Variants in PTBP3 observed in about 807,000 individuals in gnomAD.
PTBP3 encodes the protein polypyrimidine tract binding protein 3.
In PTBP3, 20 loss-of-function variants were observed where a neutral mutation model predicts 58.7. The ratio of observed to expected loss-of-function variants is 0.34; its 90% CI spans 0.24 to 0.50. The LOEUF (loss-of-function observed/expected upper bound fraction) is 0.50. Ranked by LOEUF, PTBP3 falls within the 20% of genes least tolerant of loss-of-function variation. The pLI is 0.98. For synonymous variants in PTBP3, 185 were observed against 219.8 expected (o/e 0.84, Z 1.40); for missense variants, 509 against 637.2 (o/e 0.80, Z 2.17).
chr9:112,332,680 TATAC>T (rs1248732500), intron 1 of PTBP3: 15 of 1,414,280 alleles, frequency 1.1e-5, no homozygotes, highest in Non-Finnish European at 1.2e-5. Flanking sequence ...GAACAGTTTA[TATAC>T]ATAGACTCTA....
chr9:112,281,830 A>T (rs1033980432), intron 2 of PTBP3, among the ~76,000 whole-genome samples: 1 of 152,256 alleles, frequency 6.6e-6, no homozygotes, highest in Non-Finnish European at 1.5e-5. Context: ...TTAAAATTTC[A>T]TAATATTCAC....
intron 7 of PTBP3, among the ~76,000 whole-genome samples, chr9:112,244,827 T>C (rs1034959859): frequency 2.0e-5 from 3 of 151,958 alleles, no homozygotes; most frequent in South Asian, 2.1e-4. Context: ...CTACTGCTGC[T>C]GCTTTTTTTT....
At chr9:112,335,937 A>G (rs10481669), upstream of PTBP3, among the ~76,000 whole-genome samples, 125,529 of 149,350 alleles carry the variant, frequency 0.84, 53,045 homozygotes, top group African/African-American at 0.93. Context: ...GCAGTGGCAC[A>G]ATCTCGGCTC....
intron 1 of PTBP3, among the ~76,000 whole-genome samples, chr9:112,327,337 G>A (rs368323544): frequency 1.3e-5 from 2 of 152,252 alleles, no homozygotes; most frequent in East Asian, 3.9e-4. Flanking sequence ...AGGCCGGGCA[G>A]ATCACGAGGT....
At chr9:112,270,869 G>C (rs1827356505) in intron 3 of PTBP3, among the ~76,000 whole-genome samples, 1 of 152,176 alleles carries the variant, frequency 6.6e-6, no homozygotes, top group Admixed American at 6.5e-5. Flanking sequence ...CCAGGCTGGA[G>C]AGCAGTAGCG....
In PTBP3 at chr9:112,268,106, A is replaced by C; in HGVS notation, c.294T>G (p.Val98=). 6.2e-7 allele frequency: 1 copy of C among 1,613,882 alleles called. No homozygotes were observed. Among genetic ancestry groups the C allele is most frequent in the Non-Finnish European group, 8.5e-7 (1 of 1,179,816 alleles). Residue 98 remains valine (V), a synonymous_variant, in exon 4 of 14, where the codon GTT becomes GTG. Transcript: ENST00000374257. ...PITPHLRSQP[V]YIQYSNHREL... is the part of the protein sequence containing the mutation. The stretch of plus-strand genomic sequence containing the variant: ...CTCTGTGATTGGAATACTGAATATA[A>C]ACAGGCTGGCTTCGAAGGTGAGGAG...
intron 2 of PTBP3, among the ~76,000 whole-genome samples, chr9:112,293,791 A>C (rs1183891197): frequency 6.6e-6 from 1 of 152,206 alleles, no homozygotes; most frequent in Non-Finnish European, 1.5e-5. Flanking sequence ...TGATGGAAAG[A>C]GAGTACTATT....
chr9:112,275,989 A>C lies in PTBP3; in HGVS notation c.59T>G (p.Phe20Cys). ...CGAACAGGGAGGTCTATCTCGTTTAAATTTCTTGCTGTCATTCCCATTAGC... is the reference window on the plus strand; with the variant it reads ...CGAACAGGGAGGTCTATCTCGTTTACATTTCTTGCTGTCATTCCCATTAGC... The part of the protein sequence containing the change: ...VYANGNDSKK[F>C]KRDRPPCSPS... The change falls in exon 3 of 14, where the codon TTT (phenylalanine) becomes TGT (cysteine). Residue 20 changes from phenylalanine to cysteine, a missense_variant. Phe to Cys is a radical substitution (Grantham distance 205). Coordinates refer to ENST00000374257, the MANE Select transcript of PTBP3 (RefSeq NM_001163788.4). 2.5e-6 allele frequency: 4 copies of C among 1,612,478 alleles called. No homozygotes were observed. The highest frequency in any genetic ancestry group is 3.4e-6 in the Non-Finnish European group (4 of 1,179,310).
At chr9:112,239,827 G>T (rs10981325) in intron 7 of PTBP3, among the ~76,000 whole-genome samples, 1 of 91,154 alleles carries the variant, frequency 1.1e-5, no homozygotes, top group Admixed American at 1.3e-4. Context: ...GGGAGGAAGG[G>T]AGGAAGGGAG....
intron 5 of PTBP3, among the ~76,000 whole-genome samples, chr9:112,253,238 A>T (rs1358925547): frequency 6.6e-6 from 1 of 152,234 alleles, no homozygotes; most frequent in Non-Finnish European, 1.5e-5. Context: ...AAACAGAGAC[A>T]AAAGTCTATG....
chr9:112,321,498 C>A (rs1829946853), intron 1 of PTBP3, among the ~76,000 whole-genome samples: 1 of 145,336 alleles, frequency 6.9e-6, no homozygotes, highest in Admixed American at 7.0e-5. Flanking sequence ...CACTGCACCC[C>A]AGCCTGGGCA....
At chr9:112,343,561 G>A in the PTBP3 span, among the ~76,000 whole-genome samples, 1 of 152,060 alleles carries the variant, frequency 6.6e-6, no homozygotes, top group Non-Finnish European at 1.5e-5. Flanking sequence ...AGGCCGAGGT[G>A]GGCAGATCAC....
At chr9:112,357,987 T>C in the PTBP3 span, among the ~76,000 whole-genome samples, 2 of 152,104 alleles carry the variant, frequency 1.3e-5, no homozygotes, top group East Asian at 3.8e-4. Flanking sequence ...TGGTAAATTT[T>C]ATGTTAGGTA....
chr9:112,301,660 G>C (rs1266308736), intron 1 of PTBP3, among the ~76,000 whole-genome samples: 1 of 152,042 alleles, frequency 6.6e-6, no homozygotes, highest in East Asian at 1.9e-4. Flanking sequence ...TTGTGGTGAT[G>C]GATTAGTTCT....
the PTBP3 span, among the ~76,000 whole-genome samples, chr9:112,361,476 A>AT: frequency 6.6e-6 from 1 of 152,204 alleles, no homozygotes. Flanking sequence ...GAAAACGTTA[A>AT]TAATATAAAA....
chr9:112,305,927 G>A (rs1178881222), intron 1 of PTBP3, among the ~76,000 whole-genome samples: 1 of 151,988 alleles, frequency 6.6e-6, no homozygotes, highest in African/African-American at 2.4e-5. Flanking sequence ...GCGACAGAGC[G>A]AGACTCTGTC....
intron 9 of PTBP3, among the ~76,000 whole-genome samples, chr9:112,231,682 G>A (rs139547300): frequency 3.3e-5 from 5 of 151,812 alleles, no homozygotes; most frequent in Non-Finnish European, 7.4e-5. Flanking sequence ...GGTGTGTGTC[G>A]CTTGAGCCCA....
intron 3 of PTBP3, among the ~76,000 whole-genome samples, chr9:112,269,276 G>T (rs1002588755): frequency 1.3e-5 from 2 of 151,568 alleles, no homozygotes; most frequent in Non-Finnish European, 2.9e-5. Flanking sequence ...GGGCAATTAG[G>T]GGGTAAAAAG....
intron 4 of PTBP3, among the ~76,000 whole-genome samples, chr9:112,264,266 G>C (rs1430549812): frequency 1.3e-5 from 2 of 152,138 alleles, no homozygotes; most frequent in African/African-American, 4.8e-5. Context: ...TAAATGTTAA[G>C]TTTGATTGTT....
Sources: allele counts gnomAD v4.1 joint callset (sites outside exome capture counted in the v4.1 genomes callset), GRCh38; gene constraint gnomAD v4.1.1; transcripts MANE v1.5; gene names NCBI Gene and HGNC (gene_info 2026-07-23, HGNC 2026-07-21).